The following CCDC85A variants were observed in gnomAD, a reference collection of about 807,000 sequenced individuals.
CCDC85A encodes coiled-coil domain containing 85A.
CCDC85A carries 38 observed loss-of-function variants against 50.2 expected under a neutral mutation model. The ratio of observed to expected loss-of-function variants is 0.76; its 90% CI spans 0.58 to 0.99. The LOEUF (loss-of-function observed/expected upper bound fraction) is 0.99, where lower values mean the gene tolerates loss of function less well. CCDC85A is among the 50% of genes least tolerant of loss of function. The pLI, the probability that CCDC85A is intolerant of heterozygous loss-of-function variation, is 0.00. For synonymous variants in CCDC85A, 366 were observed against 301.4 expected (o/e 1.21, Z -2.22); for missense variants, 820 against 742.0 (o/e 1.11, Z -1.22).
At chr2:56,306,912 T>C (rs1672472569) in intron 2 of CCDC85A, among the ~76,000 whole-genome samples, 1 of 152,132 alleles carries the variant, frequency 6.6e-6, no homozygotes, top group South Asian at 2.1e-4. Flanking sequence ...GCTGTTACCA[T>C]GTTAGGAAGA....
At chr2:56,367,249 T>C (rs956933215) in intron 3 of CCDC85A, among the ~76,000 whole-genome samples, 2 of 152,204 alleles carry the variant, frequency 1.3e-5, no homozygotes, top group Non-Finnish European at 2.9e-5. Flanking sequence ...TTTCTGCTAG[T>C]GTTGTTACAG....
At chr2:56,183,864 A>G (rs1332955387), upstream of CCDC85A, 1 of 984,838 alleles carries the variant, frequency 1.0e-6, no homozygotes, top group Non-Finnish European at 1.2e-6. Context: ...GACAGCCGGG[A>G]GCGCACCTCG....
At chr2:56,213,422 A>G (rs1677260926) in intron 2 of CCDC85A, among the ~76,000 whole-genome samples, 1 of 152,006 alleles carries the variant, frequency 6.6e-6, no homozygotes, top group Admixed American at 6.6e-5. Context: ...GTGGTACTGC[A>G]GCTATTGTGA....
At chr2:56,367,259 G>T (rs755921320) in intron 3 of CCDC85A, among the ~76,000 whole-genome samples, 9 of 152,172 alleles carry the variant, frequency 5.9e-5, no homozygotes, top group Non-Finnish European at 8.8e-5. Context: ...TGTTGTTACA[G>T]TAGGATGATA....
intron 2 of CCDC85A, among the ~76,000 whole-genome samples, chr2:56,244,276 A>G (rs1669402238): frequency 6.6e-6 from 1 of 152,114 alleles, no homozygotes. Flanking sequence ...CCCTGAAACC[A>G]CAAGACAAAG....
intron 3 of CCDC85A, among the ~76,000 whole-genome samples, chr2:56,352,639 C>T (rs1228061870): frequency 2.6e-5 from 4 of 152,156 alleles, no homozygotes; most frequent in African/African-American, 9.7e-5. Context: ...AGCCACTGCC[C>T]CTGGCAAGAC....
rs563382367 is a variant in CCDC85A at position 56,277,952 on chromosome 2, G to A, written c.1241-64927G>A. ...GCAGCATGCATGGAAAGCAACAGAG[G>A]CCACAGGTTCCAGACAGCTTGGCAT... On this transcript the variant is annotated intron_variant, in intron 2 of 5. Transcript: ENST00000407595. Among the ~76,000 whole-genome samples, 10 of 152,302 alleles carry A rather than the reference G, an allele frequency of 6.6e-5. No individual in the cohort carries two copies. The East Asian group carries it at 1.9e-3, about 29-fold the overall frequency.
At chr2:56,269,966 C>G (rs143100023) in intron 2 of CCDC85A, among the ~76,000 whole-genome samples, 3 of 152,336 alleles carry the variant, frequency 2.0e-5, no homozygotes, top group African/African-American at 7.2e-5. Flanking sequence ...CCAGTCCTGT[C>G]TGCTAAATGC....
At chr2:56,193,480 A>G (rs756823201) in intron 2 of CCDC85A, 40 bp downstream of exon 2, 59 of 1,541,522 alleles carry the variant, frequency 3.8e-5, no homozygotes, top group Admixed American at 5.8e-5. Context: ...GGGCTGGGGA[A>G]CTCAGTAGAG....
intron 3 of CCDC85A, among the ~76,000 whole-genome samples, chr2:56,349,821 A>G (rs1674817657): frequency 6.6e-6 from 1 of 152,086 alleles, no homozygotes; most frequent in Admixed American, 6.6e-5. Context: ...TCTATCTTTG[A>G]ATGAAGGTAC....
At chr2:56,292,414 G>C (rs1413097257) in intron 2 of CCDC85A, among the ~76,000 whole-genome samples, 1 of 152,130 alleles carries the variant, frequency 6.6e-6, no homozygotes, top group East Asian at 1.9e-4. Flanking sequence ...ACTTGATAAA[G>C]GATACACATT....
rs771834905 is a variant in CCDC85A at position 56,192,642 on chromosome 2, C to T, written c.442C>T (p.Leu148=). The T allele has an allele frequency of 3.6e-5, 58 of 1,613,754 alleles. No homozygotes were observed. The highest frequency in any genetic ancestry group is 1.6e-4 in the Middle Eastern group (1 of 6,084). The part of the protein sequence containing the change: ...HKEVALYLQK[L]KDLEVKQEEV... Reference sequence around the variant, plus strand: ...GGAAGTGGCCTTATACCTGCAGAAGCTGAAAGACCTGGAGGTGAAGCAGGA... The same window carrying T: ...GGAAGTGGCCTTATACCTGCAGAAGTTGAAAGACCTGGAGGTGAAGCAGGA... The change falls in exon 2 of 6, where the codon CTG becomes TTG. Residue 148 remains leucine, a synonymous_variant. Transcript: ENST00000407595. This position sits in a 1 kb window ranked among gnomAD's most constrained non-coding sequence, Gnocchi z 4.7.
chr2:56,225,953 T>C (rs1489012397), intron 2 of CCDC85A, among the ~76,000 whole-genome samples: 3 of 152,226 alleles, frequency 2.0e-5, no homozygotes, highest in Admixed American at 6.5e-5. Context: ...ACGAGAAGAA[T>C]TGATATATTT....
At chr2:56,285,098 T>C (rs1246992389) in intron 2 of CCDC85A, among the ~76,000 whole-genome samples, 3 of 151,394 alleles carry the variant, frequency 2.0e-5, no homozygotes, top group African/African-American at 7.3e-5. Context: ...CTTTCTTTTC[T>C]TTCTTTTTTT....
intron 1 of CCDC85A, among the ~76,000 whole-genome samples, chr2:56,190,557 T>G (rs1676251592): frequency 6.6e-6 from 1 of 152,100 alleles, no homozygotes; most frequent in Admixed American, 6.5e-5. Flanking sequence ...AGATTGGGGG[T>G]GGACCTTCTA....
intron 2 of CCDC85A, among the ~76,000 whole-genome samples, chr2:56,240,365 C>T (rs968630541): frequency 5.3e-5 from 8 of 152,132 alleles, no homozygotes; most frequent in African/African-American, 1.9e-4. Flanking sequence ...GGTATTTAAA[C>T]CCCAGAAAAT....
At chr2:56,273,898 G>A (rs1670808983) in intron 2 of CCDC85A, among the ~76,000 whole-genome samples, 1 of 152,066 alleles carries the variant, frequency 6.6e-6, no homozygotes, top group Non-Finnish European at 1.5e-5. Context: ...TGATGGCAAA[G>A]ATTAATAAAA....
At chr2:56,370,436 A>G (rs1344514429) in intron 3 of CCDC85A, among the ~76,000 whole-genome samples, 1 of 152,094 alleles carries the variant, frequency 6.6e-6, no homozygotes, top group Non-Finnish European at 1.5e-5. Context: ...ACATGGGGAG[A>G]AAATTAATTA....
chr2:56,287,918 G>A (rs1671517891), intron 2 of CCDC85A, among the ~76,000 whole-genome samples: 1 of 152,048 alleles, frequency 6.6e-6, no homozygotes, highest in African/African-American at 2.4e-5. Context: ...CTTTCCTGTT[G>A]TCTTTGAGTT....
Sources: allele counts gnomAD v4.1 joint callset (sites outside exome capture counted in the v4.1 genomes callset), GRCh38; gene constraint gnomAD v4.1.1; non-coding constraint Gnocchi (gnomAD v3.1); transcripts MANE v1.5; gene names NCBI Gene and HGNC (gene_info 2026-07-23, HGNC 2026-07-21).